TNRC18: variants seen among roughly 807,000 people sequenced by gnomAD.
TNRC18 encodes the protein trinucleotide repeat-containing gene 18 protein.
TNRC18 carries 69 observed loss-of-function variants against 226.7 expected under a neutral mutation model. The observed-to-expected ratio is 0.30, with a 90% CI of 0.25 to 0.37. The LOEUF is 0.37. Among genes scored for constraint, TNRC18 ranks in the 10% least tolerant of loss-of-function variants. The pLI is 1.00. For missense variants in TNRC18, 4,754 were observed against 4,256.6 expected (o/e 1.12, Z -3.25); for synonymous variants, 2,449 against 1,927.6 (o/e 1.27, Z -7.09).
Position 5,332,823 on chromosome 7 carries a change from G to T in TNRC18, c.5946C>A (p.Phe1982Leu), listed in dbSNP as rs757926552. ...CGTCGCTGGCCTCGGGCCCCGCCTC[G>T]AAGCCAGGCTCCTTGGGGCCCCGCA... ...RKLRGPKEPG[F>L]EAGPEASDDD... is the part of the protein sequence containing the mutation. The change falls in exon 19 of 30, where the codon TTC becomes TTA. Residue 1982 changes from phenylalanine to leucine, a missense_variant. Phe to Leu is a conservative substitution (Grantham distance 22). Coordinates refer to ENST00000430969, the MANE Select transcript of TNRC18 (RefSeq NM_001080495.3). 6.6e-7 allele frequency: 1 copy of T among 1,507,728 alleles called. No individual in the cohort carries two copies. Among genetic ancestry groups the T allele is most frequent in the South Asian group, 1.2e-5 (1 of 80,852 alleles). The allele number at this position is 1,507,728 out of a possible 1,614,324, so 93.4% of individuals were successfully genotyped here.
rs776002529 is a variant in TNRC18 at position 5,371,133 on chromosome 7, G to C, written c.3461C>G (p.Ala1154Gly). The change falls in exon 11 of 30, where the codon GCT (alanine) becomes GGT (glycine). Residue 1154 changes from alanine to glycine, a missense_variant. Coordinates refer to ENST00000430969, the MANE Select transcript of TNRC18 (RefSeq NM_001080495.3). ...CACCTCTGCCTTCACCTCCCGCTCA[G>C]CCAGCGGTTCTTCCTCCGGGCCCTC... ...LREGPEEEPL[A>G]EREVKAEVED... is the part of the protein sequence containing the mutation. 5.0e-6 allele frequency: 8 copies of C among 1,611,292 alleles called. No individual in the cohort carries two copies. In the Admixed American group the frequency reaches 5.0e-5, roughly 10 times the overall value.
chr7:5,409,742 C>G (rs1055951770), intron 2 of TNRC18, among the ~76,000 whole-genome samples: 1 of 150,496 alleles, frequency 6.6e-6, no homozygotes, highest in Non-Finnish European at 1.5e-5. Context: ...TTTGGGAGGC[C>G]GAGGCGGGTG....
intron 24 of TNRC18, among the ~76,000 whole-genome samples, chr7:5,317,507 C>G (rs1244945444): frequency 1.3e-5 from 2 of 152,078 alleles, no homozygotes; most frequent in Non-Finnish European, 2.9e-5. Flanking sequence ...AGGAGAATCA[C>G]TTGAACCTGG....
In TNRC18 at chr7:5,403,005, C is replaced by T. The variant is rs189891727; in HGVS notation, c.188-8410G>A. Among the ~76,000 whole-genome samples, 606 of 152,144 alleles carry T rather than the reference C, an allele frequency of 4.0e-3. 4 individuals are homozygous for T. Among genetic ancestry groups the T allele is most frequent in the Admixed American group, 8.0e-3 (122 of 15,252 alleles). On this transcript the variant is annotated intron_variant, in intron 2 of 29. Transcript: ENST00000430969. ...TGTCAACGGGGAGAGGGATTGGTGT[C>T]CCTTTTACAGATAAAGAGACTGAGG...
chr7:5,392,353 C>T (rs1780361638), intron 3 of TNRC18, among the ~76,000 whole-genome samples: 1 of 152,138 alleles, frequency 6.6e-6, no homozygotes, highest in Non-Finnish European at 1.5e-5. Flanking sequence ...GTCCCAGCTC[C>T]TCAGGAGGCT....
chr7:5,307,626 C>T lies in TNRC18; in HGVS notation c.*480G>A, dbSNP rs758797400. On this transcript the variant is annotated 3_prime_UTR_variant, in exon 30 of 30. Transcript: ENST00000430969. ...GTAGGCCAGCTGGCATCGGGCTGCC[C>T]TGTCCCATGCACGGTGGGAGGCCTT... 8 of 429,362 alleles carry T rather than the reference C, an allele frequency of 1.9e-5. No homozygotes were observed. In the East Asian group the frequency reaches 3.0e-4, roughly 16 times the overall value. The allele number at this position is 429,362 out of a possible 1,614,324, so 26.6% of individuals were successfully genotyped here.
chr7:5,369,767 G>T (rs1793974929), intron 11 of TNRC18, among the ~76,000 whole-genome samples: 1 of 152,164 alleles, frequency 6.6e-6, no homozygotes, highest in Non-Finnish European at 1.5e-5. Context: ...TTAAATGAGA[G>T]TTTCTGTTCC....
chr7:5,395,300 G>T (rs1780594845), intron 2 of TNRC18, among the ~76,000 whole-genome samples: 1 of 152,106 alleles, frequency 6.6e-6, no homozygotes, highest in Non-Finnish European at 1.5e-5. Flanking sequence ...GCCGCTAAGG[G>T]AGCCCCGTGG....
intron 11 of TNRC18, among the ~76,000 whole-genome samples, chr7:5,364,191 C>T (rs770398852): frequency 7.2e-5 from 11 of 151,858 alleles, no homozygotes; most frequent in African/African-American, 1.9e-4. Context: ...CCCAGCTATT[C>T]GGGGGTTGAG....
At chr7:5,358,119 G>A (rs1238129154) in intron 15 of TNRC18, among the ~76,000 whole-genome samples, 4 of 152,124 alleles carry the variant, frequency 2.6e-5, no homozygotes, top group African/African-American at 7.2e-5. Context: ...AGCTGACAAA[G>A]TACTAGTGCA....
intron 1 of TNRC18, chr7:5,422,872 T>C (rs528086320): frequency 6.6e-6 from 1 of 152,234 alleles, no homozygotes; most frequent in Admixed American, 6.5e-5. Flanking sequence ...AAGGAGGCGA[T>C]GAGCTTCCCG....
chr7:5,308,656 G>C (rs1345778254), intron 29 of TNRC18, among the ~76,000 whole-genome samples: 1 of 152,190 alleles, frequency 6.6e-6, no homozygotes, highest in African/African-American at 2.4e-5. Context: ...GAGACTCAGA[G>C]ACAGACACTG....
rs1294399330 is a variant in TNRC18, at chr7:5,309,392, C to T, written c.8389-24G>A. 2.5e-6 allele frequency: 4 copies of T among 1,583,458 alleles called. No homozygotes were observed. The South Asian group carries it at 3.4e-5, about 14-fold the overall frequency. On this transcript the variant is annotated intron_variant, in intron 27 of 29. Coordinates refer to ENST00000430969, the MANE Select transcript of TNRC18 (RefSeq NM_001080495.3). This position sits in a 1 kb window ranked among gnomAD's most constrained non-coding sequence, Gnocchi z 5.7. Reference sequence around the variant, plus strand: ...CGCTGCAAGGACACGTGTGTCACGGCACAGGCCCTGGCCCAGCCCCAAGGA... The same window carrying T: ...CGCTGCAAGGACACGTGTGTCACGGTACAGGCCCTGGCCCAGCCCCAAGGA...
chr7:5,345,517 G>GGGGGGGGGGCA, intron 18 of TNRC18, 45 bp downstream of exon 18: 1 of 377,744 alleles, frequency 2.6e-6, no homozygotes, highest in Non-Finnish European at 4.8e-6. Flanking sequence ...AATGGCGTCC[G>GGGGGGGGGGCA]CCCCTCCCAC....
intron 18 of TNRC18, among the ~76,000 whole-genome samples, chr7:5,336,171 C>T (rs978778769): frequency 2.0e-5 from 3 of 150,610 alleles, no homozygotes; most frequent in African/African-American, 7.3e-5. Context: ...CACACCACTG[C>T]ACTCCAGCCT....
intron 27 of TNRC18, among the ~76,000 whole-genome samples, chr7:5,310,636 G>A (rs1316937561): frequency 6.6e-6 from 1 of 152,216 alleles, no homozygotes; most frequent in Non-Finnish European, 1.5e-5. Context: ...CCAAGCTTAA[G>A]TGATCCTCCC....
chr7:5,406,035 C>T (rs1449964259), intron 2 of TNRC18, among the ~76,000 whole-genome samples: 1 of 152,148 alleles, frequency 6.6e-6, no homozygotes, highest in Non-Finnish European at 1.5e-5. Flanking sequence ...ATCTACAAAT[C>T]GATAAACAAA....
At chr7:5,410,823 T>C (rs2128218502) in intron 2 of TNRC18, among the ~76,000 whole-genome samples, 2 of 126,256 alleles carry the variant, frequency 1.6e-5, no homozygotes, top group South Asian at 4.7e-4. Flanking sequence ...ATCTCGCCAC[T>C]GCAATCCAGT....
chr7:5,411,559 C>A (rs909485208), intron 2 of TNRC18, among the ~76,000 whole-genome samples: 1 of 151,576 alleles, frequency 6.6e-6, no homozygotes, highest in African/African-American at 2.4e-5. Context: ...AAAGTATTTC[C>A]CAAATAGCAC....
Sources: allele counts gnomAD v4.1 joint callset (sites outside exome capture counted in the v4.1 genomes callset), GRCh38; gene constraint gnomAD v4.1.1; non-coding constraint Gnocchi (gnomAD v3.1); transcripts MANE v1.5; gene names NCBI Gene and HGNC (gene_info 2026-07-23, HGNC 2026-07-21).